The following KMT2D variants were observed in gnomAD, a reference collection of about 807,000 sequenced individuals.
KMT2D encodes histone-lysine N-methyltransferase 2D.
In KMT2D, 55 loss-of-function variants were observed where a neutral mutation model predicts 512.7. The ratio of observed to expected loss-of-function variants is 0.11; its 90% confidence interval spans 0.09 to 0.13. The LOEUF (loss-of-function observed/expected upper bound fraction) is 0.13. Among genes scored for constraint, KMT2D ranks in the 10% least tolerant of loss-of-function variants. The pLI is 1.00. For missense variants in KMT2D, 6,061 were observed against 7,127.9 expected (o/e 0.85, Z 5.39); for synonymous variants, 2,995 against 2,904.0 (o/e 1.03, Z -1.01).
intron 35 of KMT2D, among the ~76,000 whole-genome samples, chr12:49,036,360 G>T (rs1176088616): frequency 1.5e-4 from 23 of 149,842 alleles, no homozygotes; most frequent in Non-Finnish European, 7.4e-5. Flanking sequence ...TGCCCAGCCT[G>T]AAGTGCAATG....
In KMT2D at chr12:49,026,525, G is replaced by A; in HGVS notation, c.15441C>T (p.Ser5147=). 5 of 1,613,958 alleles carry A rather than the reference G, an allele frequency of 3.1e-6. No individual in the cohort carries two copies. Among genetic ancestry groups the A allele is most frequent in the Non-Finnish European group, 4.2e-6 (5 of 1,179,898 alleles). ...KIKGPCEQEL[S]SFAVFRRVYI... ...AGACCCGCCGGAAGACAGCAAAAGA[G>A]CTCAGCTCTTGCTCACAGGGCCCCT... The change falls in exon 49 of 55, where the codon AGC becomes AGT. Residue 5147 remains serine (S), a synonymous_variant. Transcript: ENST00000301067. This position sits in a 1 kb window ranked among gnomAD's most constrained non-coding sequence, Gnocchi z 9.6.
Position 49,039,678 on chromosome 12 carries a change from G to C in KMT2D, c.8046+46C>G, listed in dbSNP as rs778672882. The stretch of plus-strand genomic sequence containing the variant: ...CTACTCCAATCATAGGGCTGCCCCA[G>C]AGACAGGAGCGATATAGGGGGCTTA... On this transcript the variant is annotated intron_variant, in intron 32 of 54. Transcript: ENST00000301067. This position sits in a 1 kb window ranked among gnomAD's most constrained non-coding sequence, Gnocchi z 5.0. 6.2e-7 allele frequency: 1 copy of C among 1,603,540 alleles called. No homozygotes were observed. Among genetic ancestry groups the C allele is most frequent in the Non-Finnish European group, 8.5e-7 (1 of 1,175,488 alleles).
At position 49,046,333 on chromosome 12, in the gene KMT2D, G is replaced by A. The variant is rs771368137; in HGVS notation, c.4510C>T (p.Leu1504=). Residue 1504 remains leucine (L), a synonymous_variant, in exon 17 of 55, where the codon CTG becomes TTG. Transcript: ENST00000301067. This position sits in a 1 kb window ranked among gnomAD's most constrained non-coding sequence, Gnocchi z 4.2. ...GCATGACAGATAGGGCAGGTCACCAGGCTGGCACAGGGCCCACAGTGTGTG... is the reference window on the plus strand; with the variant it reads ...GCATGACAGATAGGGCAGGTCACCAAGCTGGCACAGGGCCCACAGTGTGTG... ...SYTHCGPCAS[L]VTCPICHAPY... 1.2e-6 allele frequency: 2 copies of A among 1,614,028 alleles called. No homozygotes were observed. The highest frequency in any genetic ancestry group is 3.3e-5 in the Admixed American group (2 of 60,024).
intron 35 of KMT2D, chr12:49,035,682 G>A (rs1943184910): frequency 6.6e-6 from 1 of 151,944 alleles, no homozygotes; most frequent in Non-Finnish European, 1.5e-5. Context: ...GCCTCAGCCT[G>A]CCGAGTAGCT....
rs750431611 is a variant in KMT2D at position 49,051,289 on chromosome 12, G to C, written c.2394C>G (p.Ser798=). ...ACAGGTGCAATTCCTCAGGCTGAGG[G>C]GACAGATGTGGTCCCTCAGCCTGGG... ...LSPQAEGPHL[S]PQPEELHLSP... The change falls in exon 11 of 55, where the codon TCC becomes TCG. Residue 798 remains serine, a synonymous_variant. Coordinates refer to ENST00000301067, the MANE Select transcript of KMT2D (RefSeq NM_003482.4). The C allele has an allele frequency of 1.3e-6, 2 of 1,566,896 alleles. No individual in the cohort carries two copies. The highest frequency in any genetic ancestry group is 1.4e-5 in the African/African-American group (1 of 72,986).
rs2120689853 is a variant in KMT2D, at chr12:49,052,682, G to C, written c.1140C>G (p.Thr380=). Residue 380 remains threonine (T), a synonymous_variant, in exon 10 of 55, where the codon ACC becomes ACG. Coordinates refer to ENST00000301067, the MANE Select transcript of KMT2D (RefSeq NM_003482.4). ...ACAGAGCATCGGGCTCGTCAGTGGGGGTATCGCCAGGCTCTGGGGGTGAAA... is the reference window on the plus strand; with the variant it reads ...ACAGAGCATCGGGCTCGTCAGTGGGCGTATCGCCAGGCTCTGGGGGTGAAA... ...SRFSPPEPGD[T]PTDEPDALYV... is the part of the protein sequence containing the mutation. 6.2e-7 allele frequency: 1 copy of C among 1,613,698 alleles called. No individual in the cohort carries two copies. The highest frequency in any genetic ancestry group is 8.5e-7 in the Non-Finnish European group (1 of 1,179,746).
In KMT2D at chr12:49,022,424, G is replaced by C. The variant is rs2137705505; in HGVS notation, c.16339-71C>G. The C allele has an allele frequency of 1.3e-6, 2 of 1,529,000 alleles. No individual in the cohort carries two copies. The highest frequency in any genetic ancestry group is 2.3e-5 in the South Asian group (2 of 88,200). The allele number at this position is 1,529,000 out of a possible 1,614,324, so 94.7% of individuals were successfully genotyped here. A position where few individuals can be genotyped will look rare whatever the true frequency, so the allele number is the denominator to read the frequency against. On this transcript the variant is annotated intron_variant, in intron 52 of 54. Coordinates refer to ENST00000301067, the MANE Select transcript of KMT2D (RefSeq NM_003482.4). The surrounding 1 kb of genome is among the most constrained non-coding windows in gnomAD (Gnocchi z 8.6). The stretch of plus-strand genomic sequence containing the variant: ...GTGGCAGTGGTGGCTGTGGGATCAG[G>C]TAGGAGACTCAGGCAGTGGGGGCTT...
chr12:49,053,785 T>C (rs1489111743), intron 6 of KMT2D, 144 bp from the exon 7 acceptor site: 4 of 1,133,978 alleles, frequency 3.5e-6, no homozygotes, highest in Admixed American at 2.7e-5. Context: ...TGCCAGCTAC[T>C]GTTCTAGGCA....
rs760653447 is a variant in KMT2D, at chr12:49,026,694, T to C, written c.15272A>G (p.Lys5091Arg). ...EVALHRGLLT[K>R]CSLCQRTGAT... ...ACCAGTTCGCTGGCACAGGGAGCACTTGGTTAGCAGTCCTCGGTGCAGGGC... is the reference window on the plus strand; with the variant it reads ...ACCAGTTCGCTGGCACAGGGAGCACCTGGTTAGCAGTCCTCGGTGCAGGGC... The change falls in exon 49 of 55, where the codon AAG (lysine) becomes AGG (arginine). Residue 5091 changes from lysine (K) to arginine (R), a missense_variant. Physicochemically the swap from Lys to Arg is conservative, Grantham distance 26 (BLOSUM62 2). Coordinates refer to ENST00000301067, the MANE Select transcript of KMT2D (RefSeq NM_003482.4). The surrounding 1 kb of genome is among the most constrained non-coding windows in gnomAD (Gnocchi z 9.6). The C allele has an allele frequency of 4.3e-6, 7 of 1,614,018 alleles. No homozygotes were observed. In the South Asian group the frequency reaches 7.7e-5, roughly 18 times the overall value.
rs373269511 is a variant in KMT2D at position 49,039,912 on chromosome 12, C to T, written c.7858G>A (p.Ala2620Thr). Residue 2620 changes from alanine (A) to threonine (T), a missense_variant, in exon 32 of 55, where the codon GCA (alanine) becomes ACA (threonine). Transcript: ENST00000301067. This position sits in a 1 kb window ranked among gnomAD's most constrained non-coding sequence, Gnocchi z 5.0. Reference sequence around the variant, plus strand: ...AGGTAGGGGAGGGATCCGTCGGGTGCAGGTGGTGGCAGAACCGACGGAGGG... The same window carrying T: ...AGGTAGGGGAGGGATCCGTCGGGTGTAGGTGGTGGCAGAACCGACGGAGGG... ...LRPPSVLPPP[A>T]PDGSLPYLSH... is the part of the protein sequence containing the mutation. The T allele has an allele frequency of 3.7e-5, 59 of 1,613,894 alleles. No homozygotes were observed. The highest frequency in any genetic ancestry group is 4.7e-5 in the Non-Finnish European group (56 of 1,179,894).
intron 51 of KMT2D, chr12:49,023,906 G>A (rs1183751338): frequency 5.9e-6 from 2 of 341,400 alleles, no homozygotes; most frequent in Non-Finnish European, 1.1e-5. Context: ...AGGGACTAAG[G>A]TCCCTGGTAC....
chr12:49,030,036 T>A (rs536416693), intron 43 of KMT2D, among the ~76,000 whole-genome samples: 2 of 152,156 alleles, frequency 1.3e-5, no homozygotes, highest in African/African-American at 4.8e-5. Context: ...GTTCCTTCTA[T>A]ACAAAGCTTC....
rs11168831 is a variant in KMT2D at position 49,031,482 on chromosome 12, G to A, written c.13223C>T (p.Pro4408Leu). 4 of 1,613,332 alleles carry A rather than the reference G, an allele frequency of 2.5e-6. No homozygotes were observed. In the East Asian group the frequency reaches 8.9e-5, roughly 36 times the overall value. ...CTTGATGCTGAGTTGGGATGCCTCA[G>A]GCACCACCTGTCCATTCACCTGGTC... ...HLDQVNGQVVPEASQLSIKQE... is the reference protein window; with the variant it reads ...HLDQVNGQVVLEASQLSIKQE... Residue 4408 changes from proline to leucine, a missense_variant, in exon 40 of 55, where the codon CCT becomes CTT. By Grantham distance (98) the Pro-to-Leu change is moderately conservative. Coordinates refer to ENST00000301067, the MANE Select transcript of KMT2D (RefSeq NM_003482.4).
In KMT2D at chr12:49,037,292, T is replaced by C. The variant is rs2120476890; in HGVS notation, c.10064A>G (p.His3355Arg). ...CCCTCCATGCTGCCCACTTAGCATA[T>C]GCCCTTGATTGGACACCATAGCCAT... ...PSMAMVSNQG[H>R]MLSGQHGGQA... The change falls in exon 35 of 55, where the codon CAT becomes CGT. Residue 3355 changes from histidine (H) to arginine (R), a missense_variant. Coordinates refer to ENST00000301067, the MANE Select transcript of KMT2D (RefSeq NM_003482.4). The C allele has an allele frequency of 6.2e-7, 1 of 1,613,624 alleles. No individual in the cohort carries two copies. The highest frequency in any genetic ancestry group is 1.3e-5 in the African/African-American group (1 of 75,070).
In KMT2D at chr12:49,031,365, T is replaced by A. The variant is rs781657986; in HGVS notation, c.13340A>T (p.Asn4447Ile). 6.2e-7 allele frequency: 1 copy of A among 1,613,590 alleles called. No individual in the cohort carries two copies. The highest frequency in any genetic ancestry group is 8.5e-7 in the Non-Finnish European group (1 of 1,179,866). ...GEPIGAPGTS[N>I]HLLLAGPRSE... ...GCGAGGGCCTGCCAGCAGGAGGTGG[T>A]TGCTGGTTCCTGGTGCCCCTATTGG... is the stretch of plus-strand genomic sequence containing the variant. The change falls in exon 40 of 55, where the codon AAC (asparagine) becomes ATC (isoleucine). Residue 4447 changes from asparagine (N) to isoleucine (I), a missense_variant. This residue lies in a region of KMT2D where 1,600 missense variants were observed against 1,754.9 expected (regional missense o/e 0.91). Coordinates refer to ENST00000301067, the MANE Select transcript of KMT2D (RefSeq NM_003482.4).
intron 24 of KMT2D, 102 bp from the exon 25 acceptor site, chr12:49,043,530 C>T: frequency 6.3e-7 from 1 of 1,589,086 alleles, no homozygotes. Flanking sequence ...CTTGACCCCA[C>T]CCTTGACTCC....
At chr12:49,058,930 G>A (rs1422537817) in intron 1 of KMT2D, among the ~76,000 whole-genome samples, 2 of 152,184 alleles carry the variant, frequency 1.3e-5, no homozygotes, top group Non-Finnish European at 2.9e-5. Context: ...AGGCAAAGCA[G>A]GCTAAGACAG....
intron 48 of KMT2D, among the ~76,000 whole-genome samples, 175 bp from the exon 49 acceptor site, chr12:49,027,497 C>T (rs1942661978): frequency 6.6e-6 from 1 of 151,974 alleles, no homozygotes; most frequent in African/African-American, 2.4e-5. Flanking sequence ...GTTGCCCAGG[C>T]TGGATCCAGT....
Position 49,037,926 on chromosome 12 carries a change from C to A in KMT2D, c.9430G>T (p.Ala3144Ser), listed in dbSNP as rs752428122. 2 of 1,604,378 alleles carry A rather than the reference C, an allele frequency of 1.2e-6. No individual in the cohort carries two copies. Among genetic ancestry groups the A allele is most frequent in the South Asian group, 1.1e-5 (1 of 89,458 alleles). ...AGGCCAAGGGAATTGGCAGCAGGTG[C>A]GGGCTCTACCTTGGGGGTAGCAATG... Reference protein sequence around the residue: ...FTIATPKVEPAPAANSLGLGL... With the variant: ...FTIATPKVEPSPAANSLGLGL... Residue 3144 changes from alanine (A) to serine (S), a missense_variant, in exon 35 of 55, where the codon GCA (alanine) becomes TCA (serine). Physicochemically the swap from Ala to Ser is moderately conservative, Grantham distance 99. Coordinates refer to ENST00000301067, the MANE Select transcript of KMT2D (RefSeq NM_003482.4).
Sources: gnomAD v4.1 joint callset for allele counts (sites outside exome capture counted in the v4.1 genomes callset) on GRCh38, gnomAD v4.1.1 for gene constraint, gnomAD v4.1.1 regional missense constraint, Gnocchi (gnomAD v3.1) non-coding constraint, MANE v1.5 for transcripts, NCBI Gene and HGNC (gene_info 2026-07-23, HGNC 2026-07-21) for gene names.